TNRC6A: variants seen among roughly 807,000 people sequenced by gnomAD.
The protein encoded by TNRC6A is trinucleotide repeat-containing gene 6A protein.
A neutral mutation model predicts 221.2 loss-of-function variants in TNRC6A; 44 were observed. The observed-to-expected ratio is 0.20, with a 90% CI of 0.16 to 0.26. The LOEUF (loss-of-function observed/expected upper bound fraction) is 0.26. TNRC6A is among the 10% of genes least tolerant of loss of function. The pLI, the probability that TNRC6A is intolerant of heterozygous loss-of-function variation, is 1.00. For missense variants in TNRC6A, 2,199 were observed against 2,404.4 expected, an observed-to-expected ratio of 0.91 and a Z score of 1.79; for synonymous variants, 847 against 838.5, an observed-to-expected ratio of 1.01 and a Z score of -0.18.
chr16:24,722,516 A>G (rs1207841643), intron 2 of TNRC6A, among the ~76,000 whole-genome samples: 1 of 151,590 alleles, frequency 6.6e-6, no homozygotes, highest in Non-Finnish European at 1.5e-5. Context: ...GCTCACTGTA[A>G]CCTCCACTCC....
At position 24,773,384 on chromosome 16, in the gene TNRC6A, A is replaced by G. The variant is rs530396448; in HGVS notation, c.164-3549A>G. 2.6e-4 allele frequency among the ~76,000 whole-genome samples: 40 copies of G among 152,124 alleles called. No individual in the cohort carries two copies. The East Asian group carries it at 4.4e-3, about 17-fold the overall frequency. ...TTTAGCTGCAAAATTTGTGTTATGCAGTTGAAATTTATTTAAGGCAGATTT... is the reference window on the plus strand; with the variant it reads ...TTTAGCTGCAAAATTTGTGTTATGCGGTTGAAATTTATTTAAGGCAGATTT... On this transcript the variant is annotated intron_variant, in intron 4 of 24. Coordinates refer to ENST00000395799, the MANE Select transcript of TNRC6A (RefSeq NM_014494.4).
chr16:24,650,535 G>C (rs144362061), intron 2 of TNRC6A, among the ~76,000 whole-genome samples: 10 of 152,206 alleles, frequency 6.6e-5, no homozygotes, highest in Admixed American at 5.2e-4. Flanking sequence ...CACGGTGGCA[G>C]GTGCCTGTAA....
intron 1 of TNRC6A, among the ~76,000 whole-genome samples, chr16:24,625,679 T>C (rs1419397924): frequency 2.1e-5 from 3 of 144,866 alleles, no homozygotes; most frequent in Non-Finnish European, 3.0e-5. Context: ...TGAGCCGAGA[T>C]TGCGCCACTG....
intron 5 of TNRC6A, among the ~76,000 whole-genome samples, chr16:24,781,301 T>C (rs2057840867): frequency 6.6e-6 from 1 of 152,004 alleles, no homozygotes; most frequent in African/African-American, 2.4e-5. Flanking sequence ...TCAAGCTATC[T>C]GCCTGCCTTG....
chr16:24,663,812 C>A, intron 2 of TNRC6A: 1 of 422,750 alleles, frequency 2.4e-6, no homozygotes, highest in Non-Finnish European at 4.8e-6. Context: ...ACAGCATGAC[C>A]GCAGGCACCC....
intron 2 of TNRC6A, among the ~76,000 whole-genome samples, chr16:24,711,356 T>C (rs1032896763): frequency 3.9e-5 from 6 of 152,078 alleles, no homozygotes; most frequent in African/African-American, 1.4e-4. Context: ...ATATTTAAAG[T>C]GTGTAATTTA....
rs765290991 is a variant in TNRC6A, at chr16:24,777,135, ACAG to A, written c.374_376del (p.Gln125del). ...AGCCGCAGCCGCAGCAGCAGCAGCC[ACAG>A]CAGCAGCCACAGGCCTTGCCTCGGT... On this transcript the variant is annotated inframe_deletion, in exon 5 of 25. Transcript: ENST00000395799. 1 of 1,612,680 alleles carries A rather than the reference ACAG, an allele frequency of 6.2e-7. No individual in the cohort carries two copies. The highest frequency in any genetic ancestry group is 8.5e-7 in the Non-Finnish European group (1 of 1,179,542).
chr16:24,791,875 T>C lies in TNRC6A; in HGVS notation c.3175+58T>C. 4.2e-6 allele frequency: 6 copies of C among 1,436,984 alleles called. No individual in the cohort carries two copies. In the South Asian group the frequency reaches 4.7e-5, roughly 11 times the overall value. The allele number at this position is 1,436,984 out of a possible 1,614,324, so 89.0% of individuals were successfully genotyped here. On this transcript the variant is annotated intron_variant, in intron 6 of 24. Coordinates refer to ENST00000395799, the MANE Select transcript of TNRC6A (RefSeq NM_014494.4). ...TTTAACTTACTGTTATTATAAGATT[T>C]GTATAACAAAGTACTTGGATATGCA...
chr16:24,818,836 T>C, intron 21 of TNRC6A, 136 bp downstream of exon 21: 2 of 709,838 alleles, frequency 2.8e-6, no homozygotes. Flanking sequence ...AAATTATTTT[T>C]AACATCCCTT....
At chr16:24,728,475 A>AT (rs1189391025), upstream of TNRC6A, among the ~76,000 whole-genome samples, 1 of 150,820 alleles carries the variant, frequency 6.6e-6, no homozygotes, top group Admixed American at 6.6e-5. Context: ...TAAAAAAATA[A>AT]AAAAAAAAGC....
At chr16:24,721,966 T>C (rs2056417395) in intron 2 of TNRC6A, among the ~76,000 whole-genome samples, 1 of 152,142 alleles carries the variant, frequency 6.6e-6, no homozygotes, top group Non-Finnish European at 1.5e-5. Context: ...GTGATGTGAA[T>C]CAGAAAAGCG....
intron 21 of TNRC6A, among the ~76,000 whole-genome samples, chr16:24,819,919 A>C (rs2058733798): frequency 1.3e-5 from 2 of 152,200 alleles, no homozygotes; most frequent in African/African-American, 2.4e-5. Context: ...CATAGGTCTT[A>C]CAGCTGTTAG....
At position 24,793,500 on chromosome 16, in the gene TNRC6A, C is replaced by G; in HGVS notation, c.3203C>G (p.Ser1068Cys). Reference protein sequence around the residue: ...SGWGEPWGEPSTPATTVDNGT... With the variant: ...SGWGEPWGEPCTPATTVDNGT... Reference sequence around the variant, plus strand: ...TGGGGTGAGCCCTGGGGGGAGCCTTCTACTCCAGCCACAACTGTGGATAAT... The same window carrying G: ...TGGGGTGAGCCCTGGGGGGAGCCTTGTACTCCAGCCACAACTGTGGATAAT... The change falls in exon 7 of 25, where the codon TCT (serine) becomes TGT (cysteine). Residue 1068 changes from serine to cysteine, a missense_variant. By Grantham distance (112) the Ser-to-Cys change is moderately radical (BLOSUM62 -1). This residue lies in a region of TNRC6A where 1,405 missense variants were observed against 1,400.2 expected (regional missense o/e 1.00). Transcript: ENST00000395799. The G allele has an allele frequency of 6.6e-7, 1 of 1,517,018 alleles. No individual in the cohort carries two copies. Among genetic ancestry groups the G allele is most frequent in the Non-Finnish European group, 8.9e-7 (1 of 1,127,640 alleles). The allele number at this position is 1,517,018 out of a possible 1,614,324, so 94.0% of individuals were successfully genotyped here.
chr16:24,722,411 C>CTATTTATT (rs869042971), intron 2 of TNRC6A, among the ~76,000 whole-genome samples: 19 of 102,554 alleles, frequency 1.9e-4, no homozygotes, highest in Middle Eastern at 4.5e-3. Flanking sequence ...AAGACCCCAA[C>CTATTTATT]TATTTATTTA....
upstream of TNRC6A, among the ~76,000 whole-genome samples, chr16:24,729,306 T>C (rs2056549782): frequency 6.7e-6 from 1 of 149,610 alleles, no homozygotes; most frequent in Non-Finnish European, 1.5e-5. Context: ...AGGCAATTTT[T>C]TTTTTTTTTT....
intron 2 of TNRC6A, among the ~76,000 whole-genome samples, chr16:24,651,713 G>GA (rs1902675190): frequency 6.7e-6 from 1 of 149,816 alleles, no homozygotes; most frequent in Admixed American, 6.7e-5. Flanking sequence ...CTTAACAAAA[G>GA]AAAAAGAAAT....
chr16:24,768,348 G>A (rs1269031477), intron 4 of TNRC6A, among the ~76,000 whole-genome samples: 2 of 151,430 alleles, frequency 1.3e-5, no homozygotes, highest in African/African-American at 4.9e-5. Context: ...CAGGAGAATG[G>A]CGTGAACCCG....
chr16:24,730,321 G>A lies in TNRC6A; in HGVS notation c.53+21G>A, dbSNP rs779088126. 2.7e-5 allele frequency: 43 copies of A among 1,601,678 alleles called. No individual in the cohort carries two copies. The Admixed American group carries it at 3.4e-4, about 13-fold the overall frequency. On this transcript the variant is annotated intron_variant, in intron 2 of 24. Coordinates refer to ENST00000395799, the MANE Select transcript of TNRC6A (RefSeq NM_014494.4). ...AGCAGGTAAGATGGGCGAGCTTTCC[G>A]TCTCCCGCCCCACGATAATCGTATA... is the stretch of plus-strand genomic sequence containing the variant.
At chr16:24,806,079 AATGCTAGAC>A in intron 15 of TNRC6A, 118 bp from the exon 16 acceptor site, 1 of 979,368 alleles carries the variant, frequency 1.0e-6, no homozygotes, top group Non-Finnish European at 1.5e-6. Flanking sequence ...GGTACTAGAT[AATGCTAGAC>A]ATGTTGGCAT....
Sources: allele counts gnomAD v4.1 joint callset (sites outside exome capture counted in the v4.1 genomes callset), GRCh38; gene constraint gnomAD v4.1.1; regional missense constraint gnomAD v4.1.1; transcripts MANE v1.5; gene names NCBI Gene and HGNC (gene_info 2026-07-23, HGNC 2026-07-21).